UGGT2: variants seen among roughly 807,000 people sequenced by gnomAD.
The protein encoded by UGGT2 is UDP-glucose glycoprotein glucosyltransferase 2.
In UGGT2, 180 loss-of-function variants were observed where a neutral mutation model predicts 192.1. That is an observed-to-expected ratio of 0.94 (90% CI 0.83 to 1.06). The LOEUF (loss-of-function observed/expected upper bound fraction) is 1.06, where lower values mean the gene tolerates loss of function less well. UGGT2 is among the 50% of genes least tolerant of loss of function. The probability of loss-of-function intolerance (pLI) is 0.00; values close to 1 mark genes in which losing one functional copy is unlikely to be tolerated. For missense variants in UGGT2, 1,849 were observed against 1,795.7 expected, an observed-to-expected ratio of 1.03 and a Z score of -0.54; for synonymous variants, 580 against 591.0, an observed-to-expected ratio of 0.98 and a Z score of 0.27.
At chr13:95,802,287 A>C (rs555262492) in intron 38 of UGGT2, among the ~76,000 whole-genome samples, 2 of 152,326 alleles carry the variant, frequency 1.3e-5, no homozygotes, top group Non-Finnish European at 2.9e-5. Flanking sequence ...TGCAAGCACA[A>C]TTCTGATGAG....
intron 8 of UGGT2, among the ~76,000 whole-genome samples, chr13:95,986,937 T>C (rs1428264945): frequency 6.6e-6 from 1 of 152,128 alleles, no homozygotes; most frequent in African/African-American, 2.4e-5. Context: ...GACAATCCTA[T>C]AAAAAGAAAA....
At chr13:95,901,938 C>A (rs779322928) in intron 21 of UGGT2, among the ~76,000 whole-genome samples, 4 of 152,078 alleles carry the variant, frequency 2.6e-5, no homozygotes, top group African/African-American at 7.2e-5. Flanking sequence ...CTTCCCATGG[C>A]GTAATTTCCT....
At chr13:96,010,998 G>C (rs1459084415) in intron 5 of UGGT2, among the ~76,000 whole-genome samples, 1 of 152,096 alleles carries the variant, frequency 6.6e-6, no homozygotes, top group African/African-American at 2.4e-5. Context: ...GTGGATAAAG[G>C]AAATTCAATG....
chr13:95,990,901 G>A (rs991798200), intron 7 of UGGT2: 1 of 152,242 alleles, frequency 6.6e-6, no homozygotes, highest in African/African-American at 2.4e-5. Flanking sequence ...AAGCCACGGT[G>A]TGTGATATTC....
chr13:95,845,169 T>C (rs949598706), intron 36 of UGGT2, among the ~76,000 whole-genome samples: 4 of 123,824 alleles, frequency 3.2e-5, no homozygotes, highest in Non-Finnish European at 5.5e-5. Context: ...TGATATAAGA[T>C]CCTTTCTTTT....
intron 36 of UGGT2, among the ~76,000 whole-genome samples, chr13:95,846,141 C>A (rs1888414717): frequency 6.6e-6 from 1 of 152,172 alleles, no homozygotes; most frequent in Non-Finnish European, 1.5e-5. Flanking sequence ...CAACATTGAG[C>A]ACTGAGTGAA....
At chr13:95,909,091 TA>T (rs1371122543) in intron 20 of UGGT2, among the ~76,000 whole-genome samples, 6 of 152,118 alleles carry the variant, frequency 3.9e-5, no homozygotes, top group African/African-American at 1.4e-4. Context: ...GTCTAACGTT[TA>T]AGTCTTTAAT....
intron 20 of UGGT2, among the ~76,000 whole-genome samples, chr13:95,911,394 A>G (rs1458864472): frequency 2.0e-5 from 3 of 152,238 alleles, no homozygotes. Flanking sequence ...AAAAAATGAT[A>G]AATGGGATAT....
At chr13:96,044,217 T>G (rs998491509) in intron 1 of UGGT2, among the ~76,000 whole-genome samples, 1 of 152,144 alleles carries the variant, frequency 6.6e-6, no homozygotes, top group Non-Finnish European at 1.5e-5. Flanking sequence ...AAAGGAACCT[T>G]CAAAACCATG....
At chr13:96,034,585 G>A (rs1379948863) in intron 1 of UGGT2, among the ~76,000 whole-genome samples, 1 of 152,236 alleles carries the variant, frequency 6.6e-6, no homozygotes, top group East Asian at 1.9e-4. Flanking sequence ...GCCCTTTGGG[G>A]AGCCCAGACC....
chr13:95,887,729 A>G (rs920065780), intron 26 of UGGT2, among the ~76,000 whole-genome samples, 163 bp downstream of exon 26: 1 of 152,164 alleles, frequency 6.6e-6, no homozygotes, highest in Non-Finnish European at 1.5e-5. Flanking sequence ...TTTTTATATC[A>G]ATTTTAAGTC....
At chr13:95,810,428 GGTCT>G (rs1884525203) in intron 38 of UGGT2, among the ~76,000 whole-genome samples, 2 of 152,068 alleles carry the variant, frequency 1.3e-5, no homozygotes, top group Non-Finnish European at 2.9e-5. Context: ...TGCCATGTAT[GGTCT>G]GTGTTTGTGT....
At chr13:95,921,121 C>T (rs2048831563) in intron 20 of UGGT2, among the ~76,000 whole-genome samples, 1 of 152,020 alleles carries the variant, frequency 6.6e-6, no homozygotes, top group Admixed American at 6.6e-5. Flanking sequence ...CATATTCTCA[C>T]TTTTAAGTGG....
At chr13:95,897,498 G>A (rs975894489) in intron 22 of UGGT2, among the ~76,000 whole-genome samples, 3 of 152,030 alleles carry the variant, frequency 2.0e-5, no homozygotes, top group African/African-American at 7.2e-5. Context: ...CCTAGTTGTT[G>A]ATCATTTATA....
At chr13:95,983,763 A>G in intron 10 of UGGT2, 41 bp downstream of exon 10, 4 of 1,357,004 alleles carry the variant, frequency 2.9e-6, no homozygotes, top group African/African-American at 2.9e-5. Flanking sequence ...AAACAGTGAT[A>G]TTAGTTGGGT....
intron 2 of UGGT2, among the ~76,000 whole-genome samples, chr13:96,027,554 C>T (rs970620367): frequency 6.6e-6 from 1 of 152,088 alleles, no homozygotes; most frequent in Non-Finnish European, 1.5e-5. Flanking sequence ...AAAAATCACT[C>T]TTATTAAAAA....
chr13:96,027,692 G>A (rs772754178), intron 2 of UGGT2, among the ~76,000 whole-genome samples: 2 of 152,126 alleles, frequency 1.3e-5, no homozygotes, highest in Non-Finnish European at 2.9e-5. Flanking sequence ...TGGAGACTGG[G>A]TTATTTGCTG....
chr13:96,043,460 A>T lies in UGGT2; in HGVS notation c.158+9695T>A, dbSNP rs1219642764. On this transcript the variant is annotated intron_variant, in intron 1 of 38. Coordinates refer to ENST00000376747, the MANE Select transcript of UGGT2 (RefSeq NM_020121.4). ...GGACCTATAAAACAAAAATACAATT[A>T]AAAAAACAAGGTATACAGGCAACAA... Among the ~76,000 whole-genome samples, 4 of 152,082 alleles carry T rather than the reference A, an allele frequency of 2.6e-5. No homozygotes were observed. The East Asian group carries it at 7.7e-4, about 29-fold the overall frequency.
intron 1 of UGGT2, among the ~76,000 whole-genome samples, chr13:96,036,936 GT>G (rs375692718): frequency 6.6e-6 from 1 of 152,036 alleles, no homozygotes; most frequent in African/African-American, 2.4e-5. Context: ...TTTGGACAAA[GT>G]TTTTTTAAAG....
Sources: allele counts gnomAD v4.1 joint callset (sites outside exome capture counted in the v4.1 genomes callset), GRCh38; gene constraint gnomAD v4.1.1; transcripts MANE v1.5; gene names NCBI Gene and HGNC (gene_info 2026-07-23, HGNC 2026-07-21).